ZFAND6: variants seen among roughly 807,000 people sequenced by gnomAD.
The protein encoded by ZFAND6 is zinc finger AN1-type containing 6, also known as AN1-type zinc finger protein 6.
ZFAND6 carries 12 observed loss-of-function variants against 24.5 expected under a neutral mutation model. That is an observed-to-expected ratio of 0.49 (90% CI 0.31 to 0.79). The LOEUF (loss-of-function observed/expected upper bound fraction) is 0.79, where lower values mean the gene tolerates loss of function less well. Among genes scored for constraint, ZFAND6 ranks in the 30% least tolerant of loss-of-function variants. ZFAND6 has a pLI of 0.04. For synonymous variants in ZFAND6, 92 were observed against 81.5 expected (o/e 1.13, Z -0.69); for missense variants, 207 against 245.9 (o/e 0.84, Z 1.06).
At chr15:80,083,066 A>G (rs866982642) in intron 1 of ZFAND6, among the ~76,000 whole-genome samples, 1 of 152,086 alleles carries the variant, frequency 6.6e-6, no homozygotes, top group Non-Finnish European at 1.5e-5. Flanking sequence ...ATCTTGGCTC[A>G]CTGCAAGCTC....
At chr15:80,070,029 C>T (rs1007678896) in intron 1 of ZFAND6, among the ~76,000 whole-genome samples, 8 of 152,154 alleles carry the variant, frequency 5.3e-5, no homozygotes, top group Non-Finnish European at 7.3e-5. Context: ...AACCACCAGT[C>T]GTGCCAGAGA....
intron 6 of ZFAND6, among the ~76,000 whole-genome samples, chr15:80,135,704 G>A (rs2040830611): frequency 6.6e-6 from 1 of 152,260 alleles, no homozygotes; most frequent in Non-Finnish European, 1.5e-5. Flanking sequence ...GGAGGCCAAG[G>A]TGGGAGGATT....
chr15:80,078,467 A>G (rs1367505821), intron 1 of ZFAND6, among the ~76,000 whole-genome samples: 6 of 152,168 alleles, frequency 3.9e-5, no homozygotes, highest in East Asian at 1.9e-4. Flanking sequence ...GTTGATGGGC[A>G]CCTAGGTTAA....
At chr15:80,113,694 T>G (rs1185416943) in intron 2 of ZFAND6, among the ~76,000 whole-genome samples, 1 of 152,102 alleles carries the variant, frequency 6.6e-6, no homozygotes, top group African/African-American at 2.4e-5. Context: ...AATAATGAAG[T>G]GTGTTTACTC....
intron 1 of ZFAND6, among the ~76,000 whole-genome samples, chr15:80,084,715 C>T (rs1030152696): frequency 6.6e-6 from 1 of 152,216 alleles, no homozygotes; most frequent in Non-Finnish European, 1.5e-5. Context: ...TTAGGATTTT[C>T]TCTTCAAGTC....
rs569877095 is a variant in ZFAND6, at chr15:80,136,549, C to T, written c.479-931C>T. ...TAGAAGGGTGAGATTTAATAATTTTCATCTTGTCCAGTCTGTCTAATACAG... is the reference window on the plus strand; with the variant it reads ...TAGAAGGGTGAGATTTAATAATTTTTATCTTGTCCAGTCTGTCTAATACAG... On this transcript the variant is annotated intron_variant, in intron 6 of 6. Coordinates refer to ENST00000261749, the MANE Select transcript of ZFAND6 (RefSeq NM_019006.4). 1.0e-3 allele frequency among the ~76,000 whole-genome samples: 158 copies of T among 152,016 alleles called. 1 individual carries two copies. In the Middle Eastern group the frequency reaches 0.021, roughly 20 times the overall value.
chr15:80,130,951 C>G (rs2040572662), intron 5 of ZFAND6: 1 of 399,958 alleles, frequency 2.5e-6, no homozygotes, highest in South Asian at 1.1e-4. Context: ...GTCTATAAAA[C>G]CACTGTTAAC....
intron 2 of ZFAND6, among the ~76,000 whole-genome samples, chr15:80,118,079 A>G (rs139511322): frequency 3.3e-5 from 5 of 151,798 alleles, no homozygotes; most frequent in East Asian, 3.9e-4. Context: ...TATACATACT[A>G]TATATACACA....
intron 2 of ZFAND6, among the ~76,000 whole-genome samples, chr15:80,101,791 G>A (rs1256587115): frequency 6.5e-5 from 8 of 123,108 alleles, no homozygotes; most frequent in Non-Finnish European, 1.4e-4. Flanking sequence ...TATGTAAAGT[G>A]TTTTTTTTTT....
At chr15:80,101,320 G>A (rs546739732) in intron 2 of ZFAND6, among the ~76,000 whole-genome samples, 5 of 152,186 alleles carry the variant, frequency 3.3e-5, no homozygotes, top group South Asian at 2.1e-4. Context: ...AAAATTAGCC[G>A]GGCATGGTGG....
At chr15:80,080,546 TCTCAAAA>T (rs1188413981) in intron 1 of ZFAND6, among the ~76,000 whole-genome samples, 3 of 152,216 alleles carry the variant, frequency 2.0e-5, no homozygotes, top group Non-Finnish European at 2.9e-5. Flanking sequence ...TCCCTCTTTC[TCTCAAAA>T]TATCTTAGTA....
intron 1 of ZFAND6, chr15:80,060,249 T>C (rs1054597252): frequency 6.6e-6 from 1 of 151,966 alleles, no homozygotes; most frequent in African/African-American, 2.4e-5. Flanking sequence ...GAGTCTCAGG[T>C]CCTCTTCGGG....
At chr15:80,092,419 G>T (rs1171548603) in intron 1 of ZFAND6, among the ~76,000 whole-genome samples, 1 of 151,722 alleles carries the variant, frequency 6.6e-6, no homozygotes, top group Non-Finnish European at 1.5e-5. Context: ...CCGGGCGACA[G>T]AGTGAGACTC....
chr15:80,112,913 T>G (rs184315261), intron 2 of ZFAND6: 2 of 455,418 alleles, frequency 4.4e-6, no homozygotes, highest in South Asian at 3.1e-5. Flanking sequence ...AAATCCTATT[T>G]TGCACTCTTC....
At chr15:80,068,140 T>G (rs1195477581) in intron 1 of ZFAND6, among the ~76,000 whole-genome samples, 1 of 144,460 alleles carries the variant, frequency 6.9e-6, no homozygotes, top group African/African-American at 2.6e-5. Context: ...TTTTTTTTTT[T>G]TTGTTTGTTT....
intron 2 of ZFAND6, among the ~76,000 whole-genome samples, chr15:80,100,834 T>C (rs2038988715): frequency 6.6e-6 from 1 of 152,236 alleles, no homozygotes; most frequent in African/African-American, 2.4e-5. Context: ...TCTGGCTGCC[T>C]GAGTTCAGAT....
At chr15:80,133,204 T>TTG (rs1034775506) in intron 6 of ZFAND6, among the ~76,000 whole-genome samples, 9 of 151,656 alleles carry the variant, frequency 5.9e-5, no homozygotes, top group African/African-American at 9.7e-5. Context: ...TTTTTGTTTT[T>TTG]TTTTTTGAAA....
chr15:80,114,114 A>G (rs1431698554), intron 2 of ZFAND6, among the ~76,000 whole-genome samples: 1 of 152,202 alleles, frequency 6.6e-6, no homozygotes, highest in African/African-American at 2.4e-5. Context: ...CTCTGCTTTT[A>G]GGAAGAATAG....
At chr15:80,059,984 G>C (rs1185034828) in intron 1 of ZFAND6, among the ~76,000 whole-genome samples, 175 bp downstream of exon 1, 1 of 151,140 alleles carries the variant, frequency 6.6e-6, no homozygotes, top group African/African-American at 2.4e-5. Flanking sequence ...CGCGGGGGCC[G>C]CGGGCGAGAG....
Sources: gnomAD v4.1 joint callset for allele counts (sites outside exome capture counted in the v4.1 genomes callset) on GRCh38, gnomAD v4.1.1 for gene constraint, MANE v1.5 for transcripts, NCBI Gene and HGNC (gene_info 2026-07-23, HGNC 2026-07-21) for gene names.